Variants in GRID1 observed in about 807,000 individuals in gnomAD.
GRID1 encodes glutamate receptor ionotropic, delta-1.
Under a neutral mutation model 98.0 loss-of-function variants are expected in GRID1, and 28 were observed. That is an observed-to-expected ratio of 0.29 (90% CI 0.21 to 0.39). GRID1 has a LOEUF of 0.39. GRID1 is among the 10% of genes least tolerant of loss of function. The pLI, the probability that GRID1 is intolerant of heterozygous loss-of-function variation, is 1.00. For missense variants in GRID1, 1,111 were observed against 1,340.5 expected (o/e 0.83, Z 2.67); for synonymous variants, 553 against 538.5 (o/e 1.03, Z -0.37).
At chr10:86,189,566 C>T (rs1437932188) in intron 3 of GRID1, among the ~76,000 whole-genome samples, 4 of 152,042 alleles carry the variant, frequency 2.6e-5, no homozygotes, top group Non-Finnish European at 5.9e-5. Context: ...ACAAACTGCA[C>T]TAAAAACACA....
At chr10:86,252,560 C>A (rs1367910197) in intron 2 of GRID1, among the ~76,000 whole-genome samples, 1 of 152,218 alleles carries the variant, frequency 6.6e-6, no homozygotes, top group Non-Finnish European at 1.5e-5. Context: ...TGTGCAAATT[C>A]TGTATGTCTC....
At chr10:85,882,286 G>A (rs1288976412) in intron 5 of GRID1, among the ~76,000 whole-genome samples, 4 of 152,040 alleles carry the variant, frequency 2.6e-5, no homozygotes, top group African/African-American at 9.7e-5. Context: ...TATACCCAAA[G>A]GATTATAAAT....
At chr10:85,630,087 A>G (rs953456003) in intron 13 of GRID1, among the ~76,000 whole-genome samples, 7 of 152,202 alleles carry the variant, frequency 4.6e-5, no homozygotes, top group African/African-American at 1.7e-4. Flanking sequence ...AAGACACTCA[A>G]ACAACTCAAC....
intron 2 of GRID1, among the ~76,000 whole-genome samples, chr10:86,293,048 A>G (rs1043581721): frequency 2.0e-5 from 3 of 152,134 alleles, no homozygotes; most frequent in Non-Finnish European, 4.4e-5. Flanking sequence ...CTCACTCCTG[A>G]GCCTGGCACC....
intron 4 of GRID1, among the ~76,000 whole-genome samples, chr10:86,011,546 G>A (rs929403354): frequency 5.9e-5 from 9 of 151,930 alleles, no homozygotes; most frequent in African/African-American, 1.2e-4. Context: ...ATGAAGGAAA[G>A]AGGAAAAAAA....
intron 3 of GRID1, among the ~76,000 whole-genome samples, chr10:86,177,702 G>A (rs1389277375): frequency 3.3e-5 from 5 of 151,138 alleles, no homozygotes; most frequent in Admixed American, 1.3e-4. Flanking sequence ...AGAGACAGAG[G>A]CAGAGAGAGA....
intron 8 of GRID1, among the ~76,000 whole-genome samples, chr10:85,742,942 G>A (rs1841958662): frequency 6.6e-6 from 1 of 152,108 alleles, no homozygotes; most frequent in African/African-American, 2.4e-5. Context: ...TGGGTTGGGT[G>A]TGGGGGCTAT....
At chr10:86,260,701 C>T (rs1410028244) in intron 2 of GRID1, among the ~76,000 whole-genome samples, 1 of 152,160 alleles carries the variant, frequency 6.6e-6, no homozygotes, top group Non-Finnish European at 1.5e-5. Context: ...CGCCCAGCCC[C>T]ACGTCCCCTG....
chr10:86,255,479 T>A lies in GRID1; in HGVS notation c.236-48831A>T, dbSNP rs535074351. 1.3e-4 allele frequency among the ~76,000 whole-genome samples: 20 copies of A among 152,300 alleles called. No homozygotes were observed. In the South Asian group the frequency reaches 3.9e-3, roughly 30 times the overall value. On this transcript the variant is annotated intron_variant, in intron 2 of 15. Transcript: ENST00000327946. Reference sequence around the variant, plus strand: ...TACTAGCCCCTCAGGAGGCCCTCCCTGTGCTCACCACCCTTGGGATGCAGT... The same window carrying A: ...TACTAGCCCCTCAGGAGGCCCTCCCAGTGCTCACCACCCTTGGGATGCAGT...
chr10:86,327,500 C>T (rs1262076786), intron 2 of GRID1, among the ~76,000 whole-genome samples: 1 of 152,166 alleles, frequency 6.6e-6, no homozygotes, highest in Non-Finnish European at 1.5e-5. Flanking sequence ...GTCATGGACA[C>T]CTATATACTG....
At chr10:85,627,940 T>C (rs552562077) in intron 13 of GRID1, among the ~76,000 whole-genome samples, 1 of 152,274 alleles carries the variant, frequency 6.6e-6, no homozygotes, top group African/African-American at 2.4e-5. Flanking sequence ...CTCCCCCACC[T>C]TCACCAAGTC....
At chr10:86,221,343 C>G (rs1430478906) in intron 2 of GRID1, among the ~76,000 whole-genome samples, 1 of 152,198 alleles carries the variant, frequency 6.6e-6, no homozygotes, top group East Asian at 1.9e-4. Flanking sequence ...CCATAATAGA[C>G]AGATTGGGAG....
intron 8 of GRID1, among the ~76,000 whole-genome samples, chr10:85,798,042 C>G (rs1026916085): frequency 2.0e-5 from 3 of 152,150 alleles, no homozygotes; most frequent in Admixed American, 2.0e-4. Context: ...GATTCCATGT[C>G]TTTTCTGTTG....
chr10:85,829,101 G>A (rs1008945117), intron 8 of GRID1, among the ~76,000 whole-genome samples: 15 of 151,976 alleles, frequency 9.9e-5, no homozygotes, highest in Non-Finnish European at 7.4e-5. Context: ...ATCAAAAAGC[G>A]AATCCACCAC....
intron 12 of GRID1, among the ~76,000 whole-genome samples, chr10:85,673,127 G>GGTAGAAATA (rs1387600831): frequency 6.6e-6 from 1 of 152,154 alleles, no homozygotes; most frequent in African/African-American, 2.4e-5. Flanking sequence ...CTGCATATGT[G>GGTAGAAATA]GTAGAAATAG....
At chr10:86,021,970 C>T (rs527539756) in intron 4 of GRID1, among the ~76,000 whole-genome samples, 18 of 152,240 alleles carry the variant, frequency 1.2e-4, no homozygotes, top group African/African-American at 4.1e-4. Flanking sequence ...ATGCAAGCTG[C>T]ATATTCAATT....
chr10:85,951,932 G>T (rs564939999), intron 4 of GRID1, among the ~76,000 whole-genome samples: 2 of 152,304 alleles, frequency 1.3e-5, no homozygotes, highest in East Asian at 3.9e-4. Context: ...GCCTGAGTAG[G>T]TCCATACCAT....
chr10:86,026,436 T>C (rs1331563131), intron 4 of GRID1, among the ~76,000 whole-genome samples: 1 of 152,230 alleles, frequency 6.6e-6, no homozygotes, highest in Non-Finnish European at 1.5e-5. Flanking sequence ...GAGCTGTGGC[T>C]GTCAAGTTTC....
intron 4 of GRID1, among the ~76,000 whole-genome samples, chr10:86,126,319 G>C (rs1304545514): frequency 6.6e-6 from 1 of 152,230 alleles, no homozygotes; most frequent in Non-Finnish European, 1.5e-5. Flanking sequence ...GCCAGGCGTG[G>C]TGGCACGCGC....
Sources: allele counts gnomAD v4.1 joint callset (sites outside exome capture counted in the v4.1 genomes callset), GRCh38; gene constraint gnomAD v4.1.1; transcripts MANE v1.5; gene names NCBI Gene and HGNC (gene_info 2026-07-23, HGNC 2026-07-21).